SOS2: variants seen among roughly 807,000 people sequenced by gnomAD.
SOS2 encodes the protein SOS Ras/Rho guanine nucleotide exchange factor 2, also known as son of sevenless homolog 2.
Under a neutral mutation model 148.2 loss-of-function variants are expected in SOS2, and 65 were observed. The observed-to-expected ratio is 0.44, with a 90% CI of 0.36 to 0.54. The LOEUF is 0.54. SOS2 is among the 20% of genes least tolerant of loss of function. The pLI is 0.00. For synonymous variants in SOS2, 539 were observed against 537.1 expected, an observed-to-expected ratio of 1.00 and a Z score of -0.05; for missense variants, 1,341 against 1,590.2, an observed-to-expected ratio of 0.84 and a Z score of 2.67.
rs564542892 is a variant in SOS2 at position 50,166,856 on chromosome 14, C to T, written c.1069-5247G>A. On this transcript the variant is annotated intron_variant, in intron 8 of 22. Transcript: ENST00000216373. ...TCAATTCTTTTTTATTAGTAATAAA[C>T]TCTCTAGATTTTCATAAGAGTGGAG... 9.9e-5 allele frequency among the ~76,000 whole-genome samples: 15 copies of T among 152,152 alleles called. No individual in the cohort carries two copies. The South Asian group carries it at 2.7e-3, about 27-fold the overall frequency.
Position 50,130,649 on chromosome 14 carries a change from T to C in SOS2, c.3189A>G (p.Pro1063=), listed in dbSNP as rs1883838921. The C allele has an allele frequency of 1.2e-6, 2 of 1,614,186 alleles. No individual in the cohort carries two copies. Among genetic ancestry groups the C allele is most frequent in the Admixed American group, 1.7e-5 (1 of 60,012 alleles). ...RGHPTPLERE[P]CKISFSRIAE... ...CAATCCGACTAAAGCTTATTTTACA[T>C]GGTTCTCTTTCTAATGGTGTTGGGT... The change falls in exon 20 of 23, where the codon CCA becomes CCG. Residue 1063 remains proline, a synonymous_variant. Coordinates refer to ENST00000216373, the MANE Select transcript of SOS2 (RefSeq NM_006939.4).
At chr14:50,218,797 T>C (rs1395056414) in intron 1 of SOS2, among the ~76,000 whole-genome samples, 3 of 152,178 alleles carry the variant, frequency 2.0e-5, no homozygotes, top group East Asian at 1.9e-4. Context: ...ACAACCACTT[T>C]AGAAAACAGT....
chr14:50,161,382 A>C, intron 9 of SOS2, 100 bp downstream of exon 9: 1 of 895,898 alleles, frequency 1.1e-6, no homozygotes, highest in Middle Eastern at 2.3e-4. Flanking sequence ...ACAACTTTCA[A>C]TAATGTAACT....
At position 50,231,344 on chromosome 14, in the gene SOS2, A is replaced by T; in HGVS notation, c.-61T>A. 1 of 843,232 alleles carries T rather than the reference A, an allele frequency of 1.2e-6. No homozygotes were observed. Among genetic ancestry groups the T allele is most frequent in the African/African-American group, 1.8e-5 (1 of 55,130 alleles). 52.2% of individuals were successfully genotyped at this position (843,232 alleles called of 1,614,324 possible). A position where few individuals can be genotyped will look rare whatever the true frequency, so the allele number is the denominator to read the frequency against. ...CCGCGGGCCGGGCCGGTGGCCTGAC[A>T]GGCAGGGCGCGGGCCGCCTCGCCTC... On this transcript the variant is annotated 5_prime_UTR_variant, in exon 1 of 23. Coordinates refer to ENST00000216373, the MANE Select transcript of SOS2 (RefSeq NM_006939.4).
At chr14:50,171,871 C>T (rs996368755) in intron 8 of SOS2, among the ~76,000 whole-genome samples, 2 of 151,992 alleles carry the variant, frequency 1.3e-5, no homozygotes, top group African/African-American at 4.8e-5. Flanking sequence ...TTTATTTACC[C>T]TTTTCTGGTT....
At chr14:50,136,627 T>C (rs1884090619) in intron 18 of SOS2, among the ~76,000 whole-genome samples, 1 of 149,844 alleles carries the variant, frequency 6.7e-6, no homozygotes, top group East Asian at 2.0e-4. Context: ...TCTCGCTCTG[T>C]CACCTAGGCT....
At chr14:50,146,763 T>C (rs527418039) in intron 14 of SOS2, among the ~76,000 whole-genome samples, 8 of 152,160 alleles carry the variant, frequency 5.3e-5, no homozygotes, top group Non-Finnish European at 8.8e-5. Flanking sequence ...AATTGTGGAG[T>C]ATAAATATAA....
At chr14:50,137,243 T>C (rs17122169) in intron 18 of SOS2, among the ~76,000 whole-genome samples, 5,838 of 152,254 alleles carry the variant, frequency 0.038, 254 homozygotes, top group East Asian at 0.12. Flanking sequence ...TTGCTCAAAA[T>C]AGAACATCAA....
chr14:50,184,155 TA>T (rs1336276972), intron 5 of SOS2, among the ~76,000 whole-genome samples: 4 of 152,234 alleles, frequency 2.6e-5, no homozygotes, highest in Non-Finnish European at 5.9e-5. Context: ...TATCACTGAC[TA>T]AAACATCATA....
At chr14:50,160,842 A>G (rs1356952729) in intron 9 of SOS2, among the ~76,000 whole-genome samples, 4 of 152,100 alleles carry the variant, frequency 2.6e-5, no homozygotes, top group African/African-American at 9.7e-5. Context: ...TCAACAAAAA[A>G]TACAAAAATT....
At chr14:50,211,032 G>T (rs987899108) in intron 1 of SOS2, among the ~76,000 whole-genome samples, 8 of 149,236 alleles carry the variant, frequency 5.4e-5, no homozygotes, top group Non-Finnish European at 1.0e-4. Context: ...TCCACTATAG[G>T]ATATATATAT....
intron 19 of SOS2, among the ~76,000 whole-genome samples, chr14:50,131,134 C>T (rs1212476610): frequency 1.3e-5 from 2 of 151,726 alleles, no homozygotes; most frequent in African/African-American, 4.8e-5. Context: ...ATGCTATATG[C>T]TTCAGAAAAA....
chr14:50,188,429 T>G (rs1885997857), intron 5 of SOS2, 68 bp downstream of exon 5: 2 of 409,864 alleles, frequency 4.9e-6, no homozygotes, highest in Non-Finnish European at 4.5e-6. Flanking sequence ...AAAAAGTGAC[T>G]ATTTATGATT....
chr14:50,136,541 T>C (rs1487333964), intron 18 of SOS2, among the ~76,000 whole-genome samples: 1 of 151,804 alleles, frequency 6.6e-6, no homozygotes, highest in African/African-American at 2.4e-5. Flanking sequence ...GGGGATGAAA[T>C]AGGTCACCAT....
At chr14:50,206,951 TCC>T (rs1200003530) in intron 1 of SOS2, among the ~76,000 whole-genome samples, 1 of 152,106 alleles carries the variant, frequency 6.6e-6, no homozygotes, top group African/African-American at 2.4e-5. Flanking sequence ...CACCTCTGCC[TCC>T]CAAAATGCTG....
chr14:50,118,624 C>G lies in SOS2; in HGVS notation c.3719G>C (p.Gly1240Ala). The change falls in exon 23 of 23, where the codon GGG becomes GCG. Residue 1240 changes from glycine (G) to alanine (A), a missense_variant. By Grantham distance (60) the Gly-to-Ala change is moderately conservative. Transcript: ENST00000216373. Reference protein sequence around the residue: ...CPFNLQPPPLGHLHRDSDWLR... With the variant: ...CPFNLQPPPLAHLHRDSDWLR... ...CCAGTCTGAATCTCTGTGAAGATGC[C>G]CCAGTGGAGGTGGCTGAAGATTAAA... is the stretch of plus-strand genomic sequence containing the variant. 6.2e-7 allele frequency: 1 copy of G among 1,613,792 alleles called. No homozygotes were observed. The highest frequency in any genetic ancestry group is 8.5e-7 in the Non-Finnish European group (1 of 1,179,972).
Position 50,118,581 on chromosome 14 carries a change from C to A in SOS2, c.3762G>T (p.Thr1254=). ...GAGGAGTGCTTGGCGAATTTGGACA[C>A]GTACTAATGTCTCTGAGCCAGTCTG... ...RDSDWLRDIS[T]CPNSPSTPPS... is the part of the protein sequence containing the mutation. The change falls in exon 23 of 23, where the codon ACG becomes ACT. Residue 1254 remains threonine, a synonymous_variant. Coordinates refer to ENST00000216373, the MANE Select transcript of SOS2 (RefSeq NM_006939.4). 6.2e-7 allele frequency: 1 copy of A among 1,614,110 alleles called. No individual in the cohort carries two copies. The highest frequency in any genetic ancestry group is 1.1e-5 in the South Asian group (1 of 91,086).
chr14:50,130,400 T>C (rs755285819), intron 20 of SOS2, 101 bp downstream of exon 20: 85 of 926,200 alleles, frequency 9.2e-5, no homozygotes, highest in Non-Finnish European at 1.3e-4. Flanking sequence ...TTCACACTAA[T>C]ATAGTTTGCA....
intron 8 of SOS2, among the ~76,000 whole-genome samples, chr14:50,170,574 T>G (rs959342785): frequency 1.3e-5 from 2 of 151,854 alleles, no homozygotes; most frequent in Non-Finnish European, 2.9e-5. Context: ...TAGTCCTAGC[T>G]ACGTGGGAGG....
Sources: gnomAD v4.1 joint callset for allele counts (sites outside exome capture counted in the v4.1 genomes callset) on GRCh38, gnomAD v4.1.1 for gene constraint, MANE v1.5 for transcripts, NCBI Gene and HGNC (gene_info 2026-07-23, HGNC 2026-07-21) for gene names.